The following CPT1B variants were observed in gnomAD, a reference collection of about 807,000 sequenced individuals.
The protein encoded by CPT1B is carnitine palmitoyltransferase 1B.
CPT1B carries 57 observed loss-of-function variants against 92.7 expected under a neutral mutation model. That is an observed-to-expected ratio of 0.62 (90% CI 0.50 to 0.77). The LOEUF is 0.77. Among genes scored for constraint, CPT1B ranks in the 30% least tolerant of loss-of-function variants. CPT1B has a pLI of 0.00. For synonymous variants in CPT1B, 398 were observed against 383.5 expected (o/e 1.04, Z -0.44); for missense variants, 983 against 1,017.4 (o/e 0.97, Z 0.46).
Position 50,577,798 on chromosome 22 carries a change from TC to T in CPT1B, c.117del (p.Trp39Ter), listed in dbSNP as rs1296492296. The T allele has an allele frequency of 4.3e-6, 7 of 1,613,702 alleles. No homozygotes were observed. In the Admixed American group the frequency reaches 6.7e-5, roughly 15 times the overall value. ...KHVYLSGINS[W>X]KKRLIRIKNG... ...ACCTTGATGCGGATCAGGCGTTTCT[TC>T]CAGGAGTTGATCCCAGACAGGTAGA... On this transcript the variant is annotated frameshift_variant, in exon 2 of 20. Transcript: ENST00000312108. LOFTEE classifies it high-confidence loss of function.
chr22:50,573,458 G>T lies in CPT1B; in HGVS notation c.1166+62C>A. ...GTTCCAGGGTGGCAGGCAGGGCCAC[G>T]CTCCTCTCCTCACGGAGCCCTGAAC... On this transcript the variant is annotated intron_variant, in intron 10 of 19. Transcript: ENST00000312108. The surrounding 1 kb of genome is among the most constrained non-coding windows in gnomAD (Gnocchi z 5.0). 2 of 1,453,150 alleles carry T rather than the reference G, an allele frequency of 1.4e-6. No individual in the cohort carries two copies. Among genetic ancestry groups the T allele is most frequent in the Non-Finnish European group, 9.3e-7 (1 of 1,075,016 alleles). 90.0% of individuals were successfully genotyped at this position (1,453,150 alleles called of 1,614,324 possible).
rs2070279373 is a variant in CPT1B at position 50,573,410 on chromosome 22, C to G, written c.1166+110G>C. On this transcript the variant is annotated intron_variant, in intron 10 of 19. Transcript: ENST00000312108. The surrounding 1 kb of genome is among the most constrained non-coding windows in gnomAD (Gnocchi z 5.0). ...CTGCCATGACCACCAATGCCCCTCC[C>G]CTAGTTGTGCCTCCAGCCTCCAGTT... 2 of 964,886 alleles carry G rather than the reference C, an allele frequency of 2.1e-6. No individual in the cohort carries two copies. The highest frequency in any genetic ancestry group is 3.1e-6 in the Non-Finnish European group (2 of 650,956). 59.8% of individuals were successfully genotyped at this position (964,886 alleles called of 1,614,324 possible). A position where few individuals can be genotyped will look rare whatever the true frequency, so the allele number is the denominator to read the frequency against.
At chr22:50,569,488 G>C in intron 18 of CPT1B, 67 bp from the exon 19 acceptor site, 1 of 1,608,096 alleles carries the variant, frequency 6.2e-7, no homozygotes, top group Non-Finnish European at 8.5e-7. Context: ...CACAAGCAAG[G>C]ATGCCTCCCC....
chr22:50,577,335 G>A lies in CPT1B; in HGVS notation c.270C>T (p.Cys90=). 1.2e-6 allele frequency: 2 copies of A among 1,613,834 alleles called. No homozygotes were observed. Among genetic ancestry groups the A allele is most frequent in the Non-Finnish European group, 1.7e-6 (2 of 1,179,970 alleles). ...GTTTCACTCCTTACCCCTGAGGGAG[G>A]CATCTCTGGATGCAACTGACCAGCC... The part of the protein sequence containing the change: ...SLGLVSCIQR[C]LPQGCGPYQT... The change falls in exon 3 of 20, where the codon TGC becomes TGT. Residue 90 remains cysteine (C), a synonymous_variant. Coordinates refer to ENST00000312108, the MANE Select transcript of CPT1B (RefSeq NM_152246.3).
At position 50,577,802 on chromosome 22, in the gene CPT1B, G is replaced by A. The variant is rs1321336931; in HGVS notation, c.114C>T (p.Ser38=). Reference sequence around the variant, plus strand: ...TGATGCGGATCAGGCGTTTCTTCCAGGAGTTGATCCCAGACAGGTAGACGT... The same window carrying A: ...TGATGCGGATCAGGCGTTTCTTCCAAGAGTTGATCCCAGACAGGTAGACGT... ...LKHVYLSGIN[S]WKKRLIRIKN... is the part of the protein sequence containing the mutation. Residue 38 remains serine (S), a synonymous_variant, in exon 2 of 20, where the codon TCC becomes TCT. Transcript: ENST00000312108. 1.2e-6 allele frequency: 2 copies of A among 1,613,908 alleles called. No individual in the cohort carries two copies. Among genetic ancestry groups the A allele is most frequent in the Non-Finnish European group, 1.7e-6 (2 of 1,179,886 alleles).
chr22:50,571,921 G>C (rs1249607251), intron 13 of CPT1B, 85 bp downstream of exon 13: 9 of 1,245,788 alleles, frequency 7.2e-6, no homozygotes, highest in Non-Finnish European at 1.0e-5. Flanking sequence ...AGGCCAGCAG[G>C]GGAGGAGGAG....
chr22:50,577,219 C>T, intron 3 of CPT1B, 105 bp downstream of exon 3: 1 of 1,495,390 alleles, frequency 6.7e-7, no homozygotes, highest in East Asian at 2.3e-5. Flanking sequence ...CCCGTGACTG[C>T]CAATGGCTGC....
chr22:50,574,763 G>A (rs1256003503), intron 7 of CPT1B, 163 bp from the exon 8 acceptor site: 2 of 618,570 alleles, frequency 3.2e-6, no homozygotes, highest in African/African-American at 3.7e-5. Context: ...ATGCACAACT[G>A]ATCGCAGTAA....
At chr22:50,577,752 C>T in intron 2 of CPT1B, 23 bp downstream of exon 2, 1 of 1,607,892 alleles carries the variant, frequency 6.2e-7, no homozygotes, top group Non-Finnish European at 8.5e-7. Context: ...TGCCTACGCT[C>T]TGGGAGAAGC....
At chr22:50,570,519 T>C (rs914760299) in intron 16 of CPT1B, 113 bp from the exon 17 acceptor site, 19 of 829,088 alleles carry the variant, frequency 2.3e-5, no homozygotes, top group African/African-American at 1.9e-4. Context: ...GTGCAGGAGC[T>C]CCCTGGCCAC....
rs1348293279 is a variant in CPT1B at position 50,574,267 on chromosome 22, G to A, written c.970+68C>T. ...CCCTGAGACACTGGGGACGCTTGGTGATGAGCAGGCAGGAGGGCAGCGAGC... is the reference window on the plus strand; with the variant it reads ...CCCTGAGACACTGGGGACGCTTGGTAATGAGCAGGCAGGAGGGCAGCGAGC... On this transcript the variant is annotated intron_variant, in intron 9 of 19. Transcript: ENST00000312108. 5.5e-6 allele frequency: 7 copies of A among 1,270,348 alleles called. No homozygotes were observed. The African/African-American group carries it at 7.4e-5, about 13-fold the overall frequency. 78.7% of individuals were successfully genotyped at this position (1,270,348 alleles called of 1,614,324 possible). A position where few individuals can be genotyped will look rare whatever the true frequency, so the allele number is the denominator to read the frequency against.
chr22:50,570,434 G>A (rs750252067), intron 16 of CPT1B, 28 bp from the exon 17 acceptor site: 14 of 1,526,370 alleles, frequency 9.2e-6, no homozygotes, highest in Non-Finnish European at 1.2e-5. Flanking sequence ...GCTGGTCAGA[G>A]GCCACATACC....
At chr22:50,577,718 G>A in intron 2 of CPT1B, 57 bp downstream of exon 2, 2 of 1,597,536 alleles carry the variant, frequency 1.3e-6, no homozygotes, top group Non-Finnish European at 1.7e-6. Context: ...CTAACAAAGC[G>A]CTTAACAGCT....
In CPT1B at chr22:50,573,898, C is replaced by T. The variant is rs1457841138; in HGVS notation, c.971-183G>A. The T allele has an allele frequency of 1.4e-6, 1 of 718,030 alleles. No individual in the cohort carries two copies. The allele number at this position is 718,030 out of a possible 1,614,324, so 44.5% of individuals were successfully genotyped here. A position where few individuals can be genotyped will look rare whatever the true frequency, so the allele number is the denominator to read the frequency against. ...AGGCCCTGTGCTGGGTGCTTCCACT[C>T]TCTCTCACGCAACACCAACAATCCT... is the stretch of plus-strand genomic sequence containing the variant. On this transcript the variant is annotated intron_variant, in intron 9 of 19. Coordinates refer to ENST00000312108, the MANE Select transcript of CPT1B (RefSeq NM_152246.3). This position sits in a 1 kb window ranked among gnomAD's most constrained non-coding sequence, Gnocchi z 5.0.
At chr22:50,569,135 A>T in intron 19 of CPT1B, 54 bp from the exon 20 acceptor site, 1 of 528,302 alleles carries the variant, frequency 1.9e-6, no homozygotes, top group Non-Finnish European at 3.3e-6. Context: ...AGAAAAAAAA[A>T]AATCAAAATT....
chr22:50,577,496 G>A (rs775547245), intron 2 of CPT1B, 33 bp from the exon 3 acceptor site: 1 of 1,610,630 alleles, frequency 6.2e-7, no homozygotes, highest in Non-Finnish European at 8.5e-7. Flanking sequence ...TTATGGAGCC[G>A]GAAGGCGGGA....
rs777402838 is a variant in CPT1B at position 50,576,227 on chromosome 22, C to T, written c.670G>A (p.Val224Met). 1.2e-6 allele frequency: 2 copies of T among 1,614,100 alleles called. No individual in the cohort carries two copies. The highest frequency in any genetic ancestry group is 2.2e-5 in the South Asian group (2 of 91,084). Residue 224 changes from valine (V) to methionine (M), a missense_variant, in exon 6 of 20, where the codon GTG (valine) becomes ATG (methionine). Physicochemically the swap from Val to Met is conservative, Grantham distance 21. Transcript: ENST00000312108. ...KTAPRLQKYL[V>M]LKSWWASNYV... ...TTACTTGCCCACCATGACTTGAGCA[C>T]CAGGTATTTCTGCAGCCTGGGGGCA... is the stretch of plus-strand genomic sequence containing the variant.
Position 50,573,647 on chromosome 22 carries a change from A to G in CPT1B, c.1039T>C (p.Trp347Arg). 2 of 1,613,400 alleles carry G rather than the reference A, an allele frequency of 1.2e-6. No homozygotes were observed. Among genetic ancestry groups the G allele is most frequent in the African/African-American group, 1.3e-5 (1 of 75,044 alleles). ...AGCAGACGGGCGCCCTCATAGAGCC[A>G]CAGCTTGAAGAAGCGTCCCTTGTGG... ...VYHKGRFFKL[W>R]LYEGARLLKP... The change falls in exon 10 of 20, where the codon TGG becomes CGG. Residue 347 changes from tryptophan to arginine, a missense_variant. Trp to Arg is a moderately radical substitution (Grantham distance 101). Coordinates refer to ENST00000312108, the MANE Select transcript of CPT1B (RefSeq NM_152246.3). This position sits in a 1 kb window ranked among gnomAD's most constrained non-coding sequence, Gnocchi z 5.0.
intron 7 of CPT1B, 181 bp from the exon 8 acceptor site, chr22:50,574,781 C>T: frequency 1.2e-5 from 7 of 596,014 alleles, no homozygotes; most frequent in Non-Finnish European, 2.1e-5. Flanking sequence ...TAACCCTCTG[C>T]TCCAGCTTCA....
Sources: allele counts gnomAD v4.1 joint callset, GRCh38; gene constraint gnomAD v4.1.1; non-coding constraint Gnocchi (gnomAD v3.1); transcripts MANE v1.5; gene names NCBI Gene and HGNC (gene_info 2026-07-23, HGNC 2026-07-21).